Variants in L3MBTL4 observed in about 807,000 individuals in gnomAD.
The protein encoded by L3MBTL4 is L3MBTL histone methyl-lysine binding protein 4.
A neutral mutation model predicts 84.5 loss-of-function variants in L3MBTL4; 70 were observed. The observed-to-expected ratio is 0.83, with a 90% CI of 0.68 to 1.01. The LOEUF (loss-of-function observed/expected upper bound fraction) is 1.01. Among genes scored for constraint, L3MBTL4 ranks in the 50% least tolerant of loss-of-function variants. L3MBTL4 has a pLI of 0.00. For synonymous variants in L3MBTL4, 274 were observed against 259.8 expected (o/e 1.05, Z -0.52); for missense variants, 715 against 754.8 (o/e 0.95, Z 0.62).
At chr18:6,127,183 T>C (rs1043117127) in intron 14 of L3MBTL4, among the ~76,000 whole-genome samples, 2 of 152,258 alleles carry the variant, frequency 1.3e-5, no homozygotes, top group African/African-American at 2.4e-5. Context: ...GCTTTTACTT[T>C]CTATATCAAG....
chr18:6,030,517 GAGA>G (rs1409091288), intron 16 of L3MBTL4: 9 of 851,314 alleles, frequency 1.1e-5, no homozygotes, highest in Non-Finnish European at 1.3e-5. Context: ...TTTTTTTTTG[GAGA>G]AGGAGTCTCA....
At chr18:6,239,983 G>T in intron 8 of L3MBTL4, 111 bp from the exon 9 acceptor site, 1 of 1,038,188 alleles carries the variant, frequency 9.6e-7, no homozygotes, top group Non-Finnish European at 1.4e-6. Context: ...ACAGGTGTCA[G>T]CACTTAGCCT....
At chr18:6,287,238 T>A (rs1158852376) in intron 4 of L3MBTL4, among the ~76,000 whole-genome samples, 3 of 152,142 alleles carry the variant, frequency 2.0e-5, no homozygotes, top group African/African-American at 7.2e-5. Flanking sequence ...TAGGGATCAT[T>A]TAAACAGGCT....
intron 1 of L3MBTL4, among the ~76,000 whole-genome samples, chr18:6,327,586 T>C (rs2051795044): frequency 6.6e-6 from 1 of 152,136 alleles, no homozygotes; most frequent in South Asian, 2.1e-4. Context: ...GTAACAACAC[T>C]GCTGAAAAGG....
chr18:6,171,988 T>C, intron 12 of L3MBTL4, 46 bp from the exon 13 acceptor site: 2 of 892,122 alleles, frequency 2.2e-6, no homozygotes, highest in Non-Finnish European at 3.5e-6. Flanking sequence ...AATTAGGATT[T>C]CACTATTCCT....
chr18:6,004,596 C>A (rs74445520), intron 16 of L3MBTL4, among the ~76,000 whole-genome samples: 1 of 152,018 alleles, frequency 6.6e-6, no homozygotes, highest in South Asian at 2.1e-4. Context: ...TGTAGAAAAC[C>A]GAAGAAATCC....
intron 11 of L3MBTL4, 85 bp downstream of exon 11, chr18:6,215,665 A>G (rs551898138): frequency 6.4e-6 from 4 of 624,878 alleles, no homozygotes; most frequent in Middle Eastern, 2.7e-4. Flanking sequence ...AGAAAAAACT[A>G]GAATAATTTT....
chr18:5,979,007 C>T (rs1388244583), intron 16 of L3MBTL4, among the ~76,000 whole-genome samples: 3 of 152,162 alleles, frequency 2.0e-5, no homozygotes, highest in Admixed American at 2.0e-4. Flanking sequence ...TTGTAACCTC[C>T]ACCCCCCGGC....
intron 14 of L3MBTL4, among the ~76,000 whole-genome samples, chr18:6,125,723 C>A (rs2059673176): frequency 6.6e-6 from 1 of 152,198 alleles, no homozygotes; most frequent in Admixed American, 6.5e-5. Flanking sequence ...AGCCACTGTG[C>A]CTGACCTTCT....
At chr18:6,371,488 GA>G (rs1355302440) in intron 1 of L3MBTL4, among the ~76,000 whole-genome samples, 3 of 152,064 alleles carry the variant, frequency 2.0e-5, no homozygotes, top group Non-Finnish European at 4.4e-5. Context: ...ACACACCCAG[GA>G]AATTCAAGCA....
At chr18:6,045,253 T>A (rs947433685) in intron 16 of L3MBTL4, among the ~76,000 whole-genome samples, 1 of 152,182 alleles carries the variant, frequency 6.6e-6, no homozygotes, top group Admixed American at 6.5e-5. Flanking sequence ...GTAAAAGATA[T>A]TTCAACCAAG....
chr18:6,260,566 C>T (rs1412133829), intron 5 of L3MBTL4: 1 of 151,960 alleles, frequency 6.6e-6, no homozygotes, highest in Non-Finnish European at 1.5e-5. Context: ...GGATTGTGTT[C>T]TTGATTTTCT....
chr18:6,347,579 T>C (rs2052974413), intron 1 of L3MBTL4, among the ~76,000 whole-genome samples: 1 of 151,480 alleles, frequency 6.6e-6, no homozygotes, highest in African/African-American at 2.4e-5. Flanking sequence ...CTTCAACAGA[T>C]ACAAAAAACC....
At chr18:6,135,200 C>T (rs988414877) in intron 14 of L3MBTL4, among the ~76,000 whole-genome samples, 1 of 152,156 alleles carries the variant, frequency 6.6e-6, no homozygotes, top group Non-Finnish European at 1.5e-5. Flanking sequence ...GGTACCAAGA[C>T]TCTAGGCTGC....
chr18:5,969,678 A>G (rs2052540337), intron 16 of L3MBTL4, 116 bp from the exon 17 acceptor site: 1 of 957,486 alleles, frequency 1.0e-6, no homozygotes, highest in East Asian at 2.6e-5. Context: ...ACACCACCAG[A>G]ACCCGCGTCT....
At chr18:5,982,831 G>A (rs531577443) in intron 16 of L3MBTL4, among the ~76,000 whole-genome samples, 1 of 152,294 alleles carries the variant, frequency 6.6e-6, no homozygotes, top group South Asian at 2.1e-4. Flanking sequence ...TCCCATTTAT[G>A]TGAATAGGCC....
intron 1 of L3MBTL4, among the ~76,000 whole-genome samples, chr18:6,341,231 C>A (rs1356547248): frequency 1.3e-5 from 2 of 151,858 alleles, no homozygotes; most frequent in African/African-American, 4.8e-5. Flanking sequence ...ATCAAAAAAA[C>A]ACAATACCAC....
At chr18:6,058,489 T>G (rs1259598341) in intron 16 of L3MBTL4, among the ~76,000 whole-genome samples, 4 of 151,934 alleles carry the variant, frequency 2.6e-5, no homozygotes. Flanking sequence ...GTTTTTGTTG[T>G]TTTTTTTCAA....
intron 1 of L3MBTL4, among the ~76,000 whole-genome samples, chr18:6,403,217 T>G (rs2055583686): frequency 6.6e-6 from 1 of 152,226 alleles, no homozygotes; most frequent in African/African-American, 2.4e-5. Flanking sequence ...ATTTTACATA[T>G]CATCAGAAAG....
Sources: allele counts gnomAD v4.1 joint callset (sites outside exome capture counted in the v4.1 genomes callset), GRCh38; gene constraint gnomAD v4.1.1; transcripts MANE v1.5; gene names NCBI Gene and HGNC (gene_info 2026-07-23, HGNC 2026-07-21).